The following PPP4R1 variants were observed in gnomAD, a reference collection of about 807,000 sequenced individuals.
PPP4R1 encodes the protein protein phosphatase 4 regulatory subunit 1.
In PPP4R1, 42 loss-of-function variants were observed where a neutral mutation model predicts 111.2. The observed-to-expected ratio is 0.38, with a 90% CI of 0.29 to 0.49. The LOEUF is 0.49. Among genes scored for constraint, PPP4R1 ranks in the 20% least tolerant of loss-of-function variants. The pLI is 0.97. For synonymous variants in PPP4R1, 409 were observed against 405.5 expected (o/e 1.01, Z -0.10); for missense variants, 1,012 against 1,161.6 (o/e 0.87, Z 1.87).
chr18:9,582,545 A>G (rs1307481455), intron 9 of PPP4R1, among the ~76,000 whole-genome samples: 1 of 152,194 alleles, frequency 6.6e-6, no homozygotes, highest in African/African-American at 2.4e-5. Context: ...ACAACTATCT[A>G]CAAAGAAAAG....
chr18:9,561,261 T>C (rs1415711143), intron 13 of PPP4R1, among the ~76,000 whole-genome samples: 1 of 137,210 alleles, frequency 7.3e-6, no homozygotes, highest in Non-Finnish European at 1.6e-5. Flanking sequence ...ATAATAATAA[T>C]AAAGTCATAG....
chr18:9,559,689 TA>T, intron 13 of PPP4R1, 85 bp from the exon 14 acceptor site: 1 of 1,033,586 alleles, frequency 9.7e-7, no homozygotes, highest in East Asian at 2.9e-5. Flanking sequence ...AAATTATTTT[TA>T]AATATATAGA....
intron 15 of PPP4R1, among the ~76,000 whole-genome samples, chr18:9,556,359 A>AT (rs574323011): frequency 2.0e-4 from 30 of 151,244 alleles, no homozygotes; most frequent in Non-Finnish European, 3.1e-4. Context: ...CGCCCAGCTA[A>AT]TTTTTTGTAT....
chr18:9,588,402 A>G (rs1385433410), intron 5 of PPP4R1, among the ~76,000 whole-genome samples, 167 bp from the exon 6 acceptor site: 1 of 152,230 alleles, frequency 6.6e-6, no homozygotes, highest in Non-Finnish European at 1.5e-5. Flanking sequence ...AAGACTACAG[A>G]ACTTCGTAGA....
intron 15 of PPP4R1, among the ~76,000 whole-genome samples, chr18:9,556,458 G>A (rs1041137081): frequency 1.3e-5 from 2 of 152,056 alleles, no homozygotes; most frequent in African/African-American, 4.8e-5. Context: ...CTCCCAAAGT[G>A]CTGGGATTAC....
At chr18:9,590,983 A>G (rs1376703987) in intron 4 of PPP4R1, among the ~76,000 whole-genome samples, 2 of 152,212 alleles carry the variant, frequency 1.3e-5, no homozygotes, top group Non-Finnish European at 2.9e-5. Flanking sequence ...GCTCATATGC[A>G]GAATGAATTC....
At chr18:9,601,752 C>CA (rs2067387419) in intron 2 of PPP4R1, among the ~76,000 whole-genome samples, 1 of 152,038 alleles carries the variant, frequency 6.6e-6, no homozygotes, top group Non-Finnish European at 1.5e-5. Flanking sequence ...CCTGGCCTCC[C>CA]AAAGTGCTGG....
chr18:9,601,705 T>A (rs1310150030), intron 2 of PPP4R1, among the ~76,000 whole-genome samples: 1 of 151,988 alleles, frequency 6.6e-6, no homozygotes, highest in Non-Finnish European at 1.5e-5. Context: ...GTTGCCCAGG[T>A]TGGTCTTGAA....
At position 9,614,369 on chromosome 18, in the gene PPP4R1, C is replaced by T; in HGVS notation, c.8-99G>A. 9.6e-7 allele frequency: 1 copy of T among 1,041,574 alleles called. No individual in the cohort carries two copies. 64.5% of individuals were successfully genotyped at this position (1,041,574 alleles called of 1,614,324 possible). A position where few individuals can be genotyped will look rare whatever the true frequency, so the allele number is the denominator to read the frequency against. Reference sequence around the variant, plus strand: ...TCCCCCCCGCCCCGGGGGCGCCTTCCCGCGCCGGGACCCCACGCCGGCCCC... The same window carrying T: ...TCCCCCCCGCCCCGGGGGCGCCTTCTCGCGCCGGGACCCCACGCCGGCCCC... On this transcript the variant is annotated intron_variant, in intron 1 of 19. Coordinates refer to ENST00000400556, the MANE Select transcript of PPP4R1 (RefSeq NM_001042388.3). This position sits in a 1 kb window ranked among gnomAD's most constrained non-coding sequence, Gnocchi z 4.1.
At chr18:9,605,009 T>C (rs950863030) in intron 2 of PPP4R1, among the ~76,000 whole-genome samples, 2 of 152,212 alleles carry the variant, frequency 1.3e-5, no homozygotes, top group Admixed American at 1.3e-4. Context: ...GTACAAACTT[T>C]TATCAAAATT....
intron 3 of PPP4R1, chr18:9,594,748 A>G (rs757050871): frequency 1.4e-4 from 53 of 368,364 alleles, no homozygotes; most frequent in Non-Finnish European, 2.3e-4. Context: ...TAAGCAATTT[A>G]TATGAATACC....
intron 8 of PPP4R1, among the ~76,000 whole-genome samples, 189 bp downstream of exon 8, chr18:9,584,325 TA>T (rs2067080238): frequency 6.6e-6 from 1 of 152,242 alleles, no homozygotes; most frequent in Admixed American, 6.5e-5. Context: ...TCCATATTTT[TA>T]ATAAATATCA....
At chr18:9,554,530 G>C (rs1269738556) in intron 15 of PPP4R1, among the ~76,000 whole-genome samples, 1 of 151,950 alleles carries the variant, frequency 6.6e-6, no homozygotes, top group Non-Finnish European at 1.5e-5. Context: ...TATTGAATTG[G>C]AAGCAGTTCA....
At chr18:9,602,484 T>C (rs1375839122) in intron 2 of PPP4R1, among the ~76,000 whole-genome samples, 1 of 149,718 alleles carries the variant, frequency 6.7e-6, no homozygotes, top group East Asian at 2.0e-4. Flanking sequence ...AGGCGGAGCT[T>C]GCAGTGAGCC....
Position 9,593,778 on chromosome 18 carries a change from G to T in PPP4R1, c.285C>A (p.Ala95=). The T allele has an allele frequency of 6.2e-7, 1 of 1,612,660 alleles. No individual in the cohort carries two copies. Among genetic ancestry groups the T allele is most frequent in the Non-Finnish European group, 8.5e-7 (1 of 1,179,038 alleles). Residue 95 remains alanine (A), a synonymous_variant, in exon 4 of 20, where the codon GCC becomes GCA. Coordinates refer to ENST00000400556, the MANE Select transcript of PPP4R1 (RefSeq NM_001042388.3). The part of the protein sequence containing the change: ...IAVLERISRL[A]DDSEPTVRAE... ...TTTCTCCACATATACCTGAATCATCGGCCAATCTGCTAATTCTTTCCAAAA... is the reference window on the plus strand; with the variant it reads ...TTTCTCCACATATACCTGAATCATCTGCCAATCTGCTAATTCTTTCCAAAA...
intron 10 of PPP4R1, among the ~76,000 whole-genome samples, chr18:9,576,260 T>TG (rs2066933919): frequency 1.3e-5 from 2 of 152,150 alleles, no homozygotes; most frequent in South Asian, 4.1e-4. Context: ...AAAGACACTA[T>TG]GGTAACTCAA....
At chr18:9,603,129 T>C (rs534117391) in intron 2 of PPP4R1, among the ~76,000 whole-genome samples, 74 of 124,012 alleles carry the variant, frequency 6.0e-4, no homozygotes, top group African/African-American at 2.5e-3. Context: ...AACCAGTAAG[T>C]AGGGAAACCA....
Position 9,573,027 on chromosome 18 carries a change from G to C in PPP4R1, c.1047-2344C>G, listed in dbSNP as rs2066885273. On this transcript the variant is annotated intron_variant, in intron 10 of 19. Coordinates refer to ENST00000400556, the MANE Select transcript of PPP4R1 (RefSeq NM_001042388.3). ...ACTTATTCCTTATTCATAAAAATGA[G>C]GAGTTGGCCTAGATAACCTGTAAGA... Among the ~76,000 whole-genome samples, 3 of 152,322 alleles carry C rather than the reference G, an allele frequency of 2.0e-5. No individual in the cohort carries two copies. The South Asian group carries it at 6.2e-4, about 32-fold the overall frequency.
intron 2 of PPP4R1, among the ~76,000 whole-genome samples, chr18:9,604,562 AT>A (rs1425854825): frequency 6.6e-6 from 1 of 151,500 alleles, no homozygotes; most frequent in Admixed American, 6.6e-5. Flanking sequence ...CATCTGTTCC[AT>A]TTCTGTCCTC....
Sources: gnomAD v4.1 joint callset for allele counts (sites outside exome capture counted in the v4.1 genomes callset) on GRCh38, gnomAD v4.1.1 for gene constraint, Gnocchi (gnomAD v3.1) non-coding constraint, MANE v1.5 for transcripts, NCBI Gene and HGNC (gene_info 2026-07-23, HGNC 2026-07-21) for gene names.